RPH3AL: variants seen among roughly 807,000 people sequenced by gnomAD.
RPH3AL encodes rabphilin 3A like (without C2 domains), also known as rab effector Noc2.
RPH3AL carries 38 observed loss-of-function variants against 43.1 expected under a neutral mutation model. That is an observed-to-expected ratio of 0.88 (90% confidence interval 0.68 to 1.15). The LOEUF is 1.15. Among genes scored for constraint, RPH3AL ranks in the 50% most tolerant of loss-of-function variants. The pLI is 0.00. For missense variants in RPH3AL, 462 were observed against 423.2 expected, an observed-to-expected ratio of 1.09 and a Z score of -0.81; for synonymous variants, 189 against 176.3, an observed-to-expected ratio of 1.07 and a Z score of -0.57.
Position 249,373 on chromosome 17 carries a change from A to T in RPH3AL, c.439-2088T>A, listed in dbSNP as rs931261693. On this transcript the variant is annotated intron_variant, in intron 6 of 9. Coordinates refer to ENST00000331302, the MANE Select transcript of RPH3AL (RefSeq NM_006987.4). ...AGTTTCTTCATCAGTAGGCAAACACAGGAGCAGGGCTTATCTCACCGGGAG... is the reference window on the plus strand; with the variant it reads ...AGTTTCTTCATCAGTAGGCAAACACTGGAGCAGGGCTTATCTCACCGGGAG... Among the ~76,000 whole-genome samples the T allele has an allele frequency of 8.5e-5, 13 of 152,192 alleles. No homozygotes were observed. In the South Asian group the frequency reaches 1.2e-3, roughly 15 times the overall value.
At chr17:258,722 C>T (rs1484418665) in intron 6 of RPH3AL, among the ~76,000 whole-genome samples, 2 of 151,680 alleles carry the variant, frequency 1.3e-5, no homozygotes, top group African/African-American at 4.8e-5. Flanking sequence ...GGTTGGATTG[C>T]CATTGGTACT....
intron 2 of RPH3AL, chr17:332,604 T>A (rs1324421198): frequency 5.6e-6 from 1 of 178,376 alleles, no homozygotes; most frequent in African/African-American, 2.3e-5. Context: ...CAAGGAAGAA[T>A]TCAGAAAACA....
In RPH3AL at chr17:297,708, G is replaced by A. The variant is rs752409329; in HGVS notation, c.352-15854C>T. Among the ~76,000 whole-genome samples, 38 of 152,266 alleles carry A rather than the reference G, an allele frequency of 2.5e-4. 1 individual carries two copies. Among genetic ancestry groups the A allele is most frequent in the South Asian group, 8.3e-4 (4 of 4,822 alleles). On this transcript the variant is annotated intron_variant, in intron 5 of 9. Coordinates refer to ENST00000331302, the MANE Select transcript of RPH3AL (RefSeq NM_006987.4). ...CAAGACACTGAAGTCCTGTGCTTCC[G>A]GAAGGCTTAAAACCTCCCAGGAGGG...
rs142999170 is a variant in RPH3AL, at chr17:321,682, T to C, written c.78-267A>G. The stretch of plus-strand genomic sequence containing the variant: ...CGGGCAACAGAGACGGGGCAGGTGC[T>C]GTGTGCCGGGGACAAGGCACATGGG... On this transcript the variant is annotated intron_variant, in intron 3 of 9. Coordinates refer to ENST00000331302, the MANE Select transcript of RPH3AL (RefSeq NM_006987.4). 8.6e-4 allele frequency: 383 copies of C among 444,940 alleles called. 3 individuals are homozygous for C. The East Asian group carries it at 0.011, about 13-fold the overall frequency. 27.6% of individuals were successfully genotyped at this position (444,940 alleles called of 1,614,324 possible).
rs960247070 is a variant in RPH3AL, at chr17:289,659, C to T, written c.352-7805G>A. ...CGCCTCACTTCATACGGCATTCGGG[C>T]CGGCCCTGCCTCCTGCTCTACTTCC... On this transcript the variant is annotated intron_variant, in intron 5 of 9. Coordinates refer to ENST00000331302, the MANE Select transcript of RPH3AL (RefSeq NM_006987.4). The surrounding 1 kb of genome is among the most constrained non-coding windows in gnomAD (Gnocchi z 5.2). Among the ~76,000 whole-genome samples the T allele has an allele frequency of 1.3e-5, 2 of 152,214 alleles. No homozygotes were observed. The highest frequency in any genetic ancestry group is 3.8e-4 in the East Asian group (2 of 5,198).
chr17:321,554 GC>G, intron 3 of RPH3AL, 139 bp from the exon 4 acceptor site: 1 of 845,816 alleles, frequency 1.2e-6, no homozygotes, highest in Non-Finnish European at 1.7e-6. Flanking sequence ...AGCGCGGGCA[GC>G]AGAGATGGCC....
At chr17:312,983 G>T (rs776153833) in intron 5 of RPH3AL, among the ~76,000 whole-genome samples, 40 of 152,340 alleles carry the variant, frequency 2.6e-4, no homozygotes, top group Admixed American at 7.2e-4. Flanking sequence ...CCCCAGCACT[G>T]CGTGGCATCT....
chr17:235,969 CGG>C (rs1567571859), intron 7 of RPH3AL, among the ~76,000 whole-genome samples: 5 of 150,990 alleles, frequency 3.3e-5, no homozygotes, highest in East Asian at 2.0e-4. Flanking sequence ...AAGCTGGGGT[CGG>C]CCAAGGCTCT....
chr17:304,920 A>G (rs2043427195), intron 5 of RPH3AL, among the ~76,000 whole-genome samples: 1 of 98,586 alleles, frequency 1.0e-5, no homozygotes, highest in African/African-American at 3.5e-5. Flanking sequence ...AGTGCAAGAG[A>G]GGCACAGGGC....
intron 5 of RPH3AL, 60 bp downstream of exon 5, chr17:319,360 G>A: frequency 4.4e-6 from 7 of 1,577,678 alleles, no homozygotes; most frequent in Non-Finnish European, 6.0e-6. Flanking sequence ...CAAAGCCACA[G>A]CGCAGCGGGG....
intron 7 of RPH3AL, among the ~76,000 whole-genome samples, chr17:244,935 A>AGTGTGTGTACATGCAT: frequency 6.6e-6 from 1 of 151,808 alleles, no homozygotes; most frequent in African/African-American, 2.4e-5. Flanking sequence ...GTGTAACGCT[A>AGTGTGTGTACATGCAT]GTGTGTGTAC....
intron 1 of RPH3AL, among the ~76,000 whole-genome samples, chr17:334,917 G>T (rs542712135): frequency 2.3e-4 from 35 of 152,282 alleles, no homozygotes; most frequent in African/African-American, 7.9e-4. Flanking sequence ...AGCAAGTGCG[G>T]CTCCTCCTTC....
intron 3 of RPH3AL, 80 bp from the exon 4 acceptor site, chr17:321,495 C>T (rs910297487): frequency 6.3e-6 from 9 of 1,422,254 alleles, no homozygotes; most frequent in South Asian, 3.0e-5. Flanking sequence ...CACCAAGCCC[C>T]CCCGAGAACA....
intron 6 of RPH3AL, among the ~76,000 whole-genome samples, chr17:262,590 C>T (rs555552096): frequency 2.1e-4 from 32 of 152,236 alleles, no homozygotes; most frequent in Admixed American, 5.2e-4. Context: ...TTTGGGAGGC[C>T]GAGGTGGGAG....
rs1295101015 is a variant in RPH3AL, at chr17:217,103, T to C, written c.728-1301A>G. On this transcript the variant is annotated intron_variant, in intron 8 of 9. Transcript: ENST00000331302. The stretch of plus-strand genomic sequence containing the variant: ...ACAGAGCCCTTCTTCTGCACTAAAA[T>C]TGGCCTCGCTGAAATCAGGACCCCC... 3.7e-5 allele frequency among the ~76,000 whole-genome samples: 5 copies of C among 134,856 alleles called. 1 individual carries two copies. Among genetic ancestry groups the C allele is most frequent in the Non-Finnish European group, 7.8e-5 (5 of 64,190 alleles). The allele number at this position is 134,856 out of a possible 152,430, so 88.5% of individuals were successfully genotyped here.
chr17:249,866 G>A (rs1228312640), intron 6 of RPH3AL, among the ~76,000 whole-genome samples: 1 of 148,828 alleles, frequency 6.7e-6, no homozygotes, highest in Admixed American at 6.7e-5. Flanking sequence ...GTCGCTGCAG[G>A]ACCTCTCAGA....
intron 6 of RPH3AL, chr17:261,749 CT>C: frequency 6.6e-6 from 1 of 152,154 alleles, no homozygotes; most frequent in East Asian, 1.9e-4. Context: ...TACACACACT[CT>C]TTTTAAGAAC....
intron 5 of RPH3AL, among the ~76,000 whole-genome samples, chr17:303,419 T>C (rs1164247659): frequency 6.6e-6 from 1 of 151,794 alleles, no homozygotes; most frequent in Non-Finnish European, 1.5e-5. Context: ...AAAAAAAAGA[T>C]TTAACAACTT....
At position 289,918 on chromosome 17, in the gene RPH3AL, G is replaced by A. The variant is rs1261202957; in HGVS notation, c.352-8064C>T. 2.0e-5 allele frequency among the ~76,000 whole-genome samples: 3 copies of A among 152,146 alleles called. No individual in the cohort carries two copies. Among genetic ancestry groups the A allele is most frequent in the Admixed American group, 2.0e-4 (3 of 15,272 alleles). ...CTCCTGCCTCTTCTCCGCTGTCAAG[G>A]TTGTGATTTTACCCTCCGCTGTGTG... On this transcript the variant is annotated intron_variant, in intron 5 of 9. Coordinates refer to ENST00000331302, the MANE Select transcript of RPH3AL (RefSeq NM_006987.4). The surrounding 1 kb of genome is among the most constrained non-coding windows in gnomAD (Gnocchi z 5.2).
Sources: allele counts gnomAD v4.1 joint callset (sites outside exome capture counted in the v4.1 genomes callset), GRCh38; gene constraint gnomAD v4.1.1; non-coding constraint Gnocchi (gnomAD v3.1); transcripts MANE v1.5; gene names NCBI Gene and HGNC (gene_info 2026-07-23, HGNC 2026-07-21).